The following DMD variants were observed in gnomAD, a reference collection of about 807,000 sequenced individuals.
DMD encodes mutant dystrophin.
In DMD, 63 loss-of-function variants were observed where a neutral mutation model predicts 330.1. The observed-to-expected ratio is 0.19, with a 90% CI of 0.16 to 0.24. The LOEUF is 0.24. Among genes scored for constraint, DMD ranks in the 10% least tolerant of loss-of-function variants. The probability of loss-of-function intolerance (pLI) is 1.00; values close to 1 mark genes in which losing one functional copy is unlikely to be tolerated. For missense variants in DMD, 3,344 were observed against 2,684.1 expected, an observed-to-expected ratio of 1.25 and a Z score of -5.43; for synonymous variants, 1,223 against 959.8, an observed-to-expected ratio of 1.27 and a Z score of -5.07.
chrX:32,933,002 T>C (rs2089719920), intron 2 of DMD, among the ~76,000 whole-genome samples: 1 of 111,765 alleles, frequency 8.9e-6, no homozygotes, highest in Admixed American at 9.6e-5. Flanking sequence ...AAATTCACCT[T>C]ATCCAAACGT....
intron 4 of DMD, among the ~76,000 whole-genome samples, chrX:32,834,969 G>C (rs1485818410): frequency 9.0e-6 from 1 of 111,008 alleles, no homozygotes; most frequent in African/African-American, 3.3e-5. Flanking sequence ...ACATCTTGGG[G>C]AGCGGGGGGT....
In DMD at chrX:31,177,215, A is replaced by G. The variant is rs1442225996; in HGVS notation, c.10262+717T>C. 4.5e-5 allele frequency among the ~76,000 whole-genome samples: 5 copies of G among 111,551 alleles called. No individual in the cohort carries two copies. The Middle Eastern group carries it at 0.019, about 413-fold the overall frequency. ...TCTAGCATTATAAACTCTGAGATAA[A>G]TCATCTGCTGGTATCTAAGCTCAGT... On this transcript the variant is annotated intron_variant, in intron 71 of 78. Transcript: ENST00000357033.
intron 30 of DMD, among the ~76,000 whole-genome samples, chrX:32,393,288 A>C (rs965490375): frequency 9.0e-5 from 10 of 111,340 alleles, no homozygotes; most frequent in Non-Finnish European, 5.6e-5. Context: ...AAACAAAAGC[A>C]TTTCTGGTTG....
intron 1 of DMD, among the ~76,000 whole-genome samples, chrX:33,031,347 A>G (rs1337540804): frequency 1.8e-5 from 2 of 110,676 alleles, no homozygotes; most frequent in African/African-American, 6.6e-5. Context: ...CATGCCCTGT[A>G]GGGCTCCTCA....
chrX:31,991,687 C>T (rs1397409366), intron 44 of DMD, among the ~76,000 whole-genome samples: 6 of 106,512 alleles, frequency 5.6e-5, no homozygotes, highest in Admixed American at 1.0e-4. Context: ...AACAATAAGC[C>T]TCAACTGATG....
In DMD at chrX:32,057,560, G is replaced by C. The variant is rs140917899; in HGVS notation, c.6439-89046C>G. 8.5e-3 allele frequency among the ~76,000 whole-genome samples: 945 copies of C among 110,975 alleles called. 14 individuals carry two copies. The highest frequency in any genetic ancestry group is 0.029 in the African/African-American group (888 of 30,656). ...AACTTAGTAAATACCCAACCAAGAA[G>C]GTAAAAGATGTGTGTGCTGAAAGCT... On this transcript the variant is annotated intron_variant, in intron 44 of 78. Coordinates refer to ENST00000357033, the MANE Select transcript of DMD (RefSeq NM_004006.3).
At chrX:32,732,559 A>C (rs1431889924) in intron 7 of DMD, among the ~76,000 whole-genome samples, 1 of 111,589 alleles carries the variant, frequency 9.0e-6, no homozygotes. Flanking sequence ...CTAACAGCGG[A>C]TCTCTCGGCA....
chrX:32,613,547 A>C (rs1352890984), intron 12 of DMD, among the ~76,000 whole-genome samples: 1 of 110,842 alleles, frequency 9.0e-6, no homozygotes, highest in African/African-American at 3.3e-5. Flanking sequence ...TATTCTATAG[A>C]AAAGCAATGC....
At chrX:32,638,118 T>C (rs757802154) in intron 11 of DMD, among the ~76,000 whole-genome samples, 24 of 112,107 alleles carry the variant, frequency 2.1e-4, no homozygotes, top group Non-Finnish European at 4.5e-4. Context: ...GAATGTCACG[T>C]TATCATCTAT....
Position 32,420,254 on chromosome X carries a change from G to A in DMD, c.4072-8341C>T, listed in dbSNP as rs187253877. Among the ~76,000 whole-genome samples, 12 of 111,613 alleles carry A rather than the reference G, an allele frequency of 1.1e-4. No individual in the cohort carries two copies. In the East Asian group the frequency reaches 2.0e-3, roughly 18 times the overall value. ...AGGAAATAATTAAAATATTTAAGTC[G>A]CTGTCTCCTGATATGGAATAGTGAG... On this transcript the variant is annotated intron_variant, in intron 29 of 78. Transcript: ENST00000357033.
intron 2 of DMD, among the ~76,000 whole-genome samples, chrX:32,925,297 C>G (rs1402866805): frequency 9.2e-6 from 1 of 109,058 alleles, no homozygotes; most frequent in Non-Finnish European, 1.9e-5. Context: ...TAACGTTGTA[C>G]TGGCAATACT....
At chrX:33,090,798 G>T in intron 1 of DMD, among the ~76,000 whole-genome samples, 1 of 110,665 alleles carries the variant, frequency 9.0e-6, no homozygotes, top group Non-Finnish European at 1.9e-5. Flanking sequence ...TTGAGAAAAG[G>T]CTATCTATAA....
chrX:32,247,394 G>C lies in DMD; in HGVS notation c.6291-30331C>G, dbSNP rs189054315. ...ATAGTAGCAATAAATGCCAAAAATC[G>C]TTAAGTATTTCTTTTAAATATTGAG... On this transcript the variant is annotated intron_variant, in intron 43 of 78. Transcript: ENST00000357033. 3.2e-3 allele frequency among the ~76,000 whole-genome samples: 356 copies of C among 111,806 alleles called. 1 individual carries two copies. The highest frequency in any genetic ancestry group is 0.01 in the African/African-American group (313 of 30,824).
intron 41 of DMD, among the ~76,000 whole-genome samples, chrX:32,332,485 C>G (rs1293630221): frequency 3.7e-5 from 4 of 106,749 alleles, no homozygotes; most frequent in Non-Finnish European, 7.7e-5. Flanking sequence ...GAAAAAAACA[C>G]TTTTGAGTAA....
At chrX:31,213,850 A>G (rs5972336) in intron 64 of DMD, among the ~76,000 whole-genome samples, 10,988 of 111,757 alleles carry the variant, frequency 0.098, 526 homozygotes, top group African/African-American at 0.18. Context: ...GAAAGAAAAA[A>G]AGAAGATTCT....
At chrX:32,664,066 C>G (rs1348585190) in intron 9 of DMD, among the ~76,000 whole-genome samples, 1 of 111,164 alleles carries the variant, frequency 9.0e-6, no homozygotes, top group East Asian at 2.8e-4. Context: ...TACGTTTTAA[C>G]AAGACCATCT....
chrX:32,559,017 C>G (rs1272435280), intron 16 of DMD, among the ~76,000 whole-genome samples: 2 of 90,005 alleles, frequency 2.2e-5, no homozygotes, highest in African/African-American at 8.9e-5. Flanking sequence ...GTGGCATGAT[C>G]TCGGCTCACT....
chrX:33,164,744 A>G (rs2048968324), intron 1 of DMD, among the ~76,000 whole-genome samples: 1 of 110,913 alleles, frequency 9.0e-6, no homozygotes, highest in Non-Finnish European at 1.9e-5. Flanking sequence ...CAGGGTCCAC[A>G]GGCAATCAAC....
At chrX:31,863,413 C>T (rs1337068994) in intron 48 of DMD, among the ~76,000 whole-genome samples, 2 of 112,291 alleles carry the variant, frequency 1.8e-5, no homozygotes, top group African/African-American at 6.5e-5. Flanking sequence ...AATTTTCTTG[C>T]CCACTTTTTG....
Sources: gnomAD v4.1 joint callset for allele counts (sites outside exome capture counted in the v4.1 genomes callset) on GRCh38, gnomAD v4.1.1 for gene constraint, MANE v1.5 for transcripts, NCBI Gene and HGNC (gene_info 2026-07-23, HGNC 2026-07-21) for gene names.